NALF1: variants seen among roughly 807,000 people sequenced by gnomAD.
NALF1 encodes the protein family with sequence similarity 155 member A.
A neutral mutation model predicts 48.4 loss-of-function variants in NALF1; 3 were observed. The ratio of observed to expected loss-of-function variants is 0.06; its 90% CI spans 0.03 to 0.16. The LOEUF (loss-of-function observed/expected upper bound fraction) is 0.16. Ranked by LOEUF, NALF1 falls within the 10% of genes least tolerant of loss-of-function variation. The pLI is 1.00. For missense variants in NALF1, 526 were observed against 571.5 expected, an observed-to-expected ratio of 0.92 and a Z score of 0.81; for synonymous variants, 262 against 245.7, an observed-to-expected ratio of 1.07 and a Z score of -0.62.
At chr13:107,336,602 A>T (rs1882561855) in intron 1 of NALF1, among the ~76,000 whole-genome samples, 1 of 152,112 alleles carries the variant, frequency 6.6e-6, no homozygotes, top group African/African-American at 2.4e-5. Flanking sequence ...GGGCAAACTC[A>T]CACACTCTCA....
chr13:107,854,984 T>G (rs1004127725), intron 1 of NALF1, among the ~76,000 whole-genome samples: 3 of 152,176 alleles, frequency 2.0e-5, no homozygotes, highest in African/African-American at 7.2e-5. Flanking sequence ...ATTACTGAGA[T>G]TAGGCAGATA....
chr13:107,412,969 AATATG>A (rs1884018288), intron 1 of NALF1, among the ~76,000 whole-genome samples: 2 of 152,212 alleles, frequency 1.3e-5, no homozygotes, highest in Admixed American at 1.3e-4. Context: ...TTATCAGGAA[AATATG>A]ATATGAAGAA....
chr13:107,493,661 G>A (rs1381309537), intron 1 of NALF1, among the ~76,000 whole-genome samples: 1 of 152,116 alleles, frequency 6.6e-6, no homozygotes, highest in African/African-American at 2.4e-5. Context: ...AGGATCACTT[G>A]AGTCCAGGAG....
intron 1 of NALF1, among the ~76,000 whole-genome samples, chr13:107,801,338 A>C (rs1878605787): frequency 6.6e-6 from 1 of 152,222 alleles, no homozygotes; most frequent in South Asian, 2.1e-4. Flanking sequence ...ATATTTTAGG[A>C]CAGTGGATTA....
At chr13:107,783,349 C>T (rs1161294046) in intron 1 of NALF1, among the ~76,000 whole-genome samples, 7 of 151,472 alleles carry the variant, frequency 4.6e-5, no homozygotes, top group African/African-American at 1.7e-4. Context: ...GCCACCACCC[C>T]GTCTGGGAGG....
At chr13:107,307,692 A>G (rs1374892339) in intron 1 of NALF1, among the ~76,000 whole-genome samples, 3 of 151,480 alleles carry the variant, frequency 2.0e-5, no homozygotes, top group Non-Finnish European at 4.4e-5. Context: ...AATGGATAAC[A>G]GAAAATTGAA....
intron 2 of NALF1, among the ~76,000 whole-genome samples, chr13:107,193,620 C>A (rs1024219661): frequency 3.9e-5 from 6 of 152,160 alleles, no homozygotes; most frequent in African/African-American, 1.4e-4. Context: ...TCTAACCCCT[C>A]CCACATGCAG....
At chr13:107,699,470 G>A (rs1455894515) in intron 1 of NALF1, among the ~76,000 whole-genome samples, 1 of 152,086 alleles carries the variant, frequency 6.6e-6, no homozygotes, top group Admixed American at 6.6e-5. Context: ...ACAGGCCACT[G>A]AAAGGACTTT....
intron 1 of NALF1, among the ~76,000 whole-genome samples, chr13:107,410,920 C>T (rs905105700): frequency 2.0e-5 from 3 of 152,216 alleles, no homozygotes; most frequent in East Asian, 1.9e-4. Flanking sequence ...GCCCAGTTCA[C>T]GGGAGTTCCA....
chr13:107,726,845 C>A (rs1876165607), intron 1 of NALF1, among the ~76,000 whole-genome samples: 1 of 151,484 alleles, frequency 6.6e-6, no homozygotes. Context: ...TCTTGGTGAT[C>A]CACCCTCCTT....
rs1362822021 is a variant in NALF1, at chr13:107,390,302, G to A, written c.916-179547C>T. Among the ~76,000 whole-genome samples, 4 of 151,068 alleles carry A rather than the reference G, an allele frequency of 2.6e-5. No individual in the cohort carries two copies. In the East Asian group the frequency reaches 7.8e-4, roughly 29 times the overall value. ...GGAGGTTATAGTGGGCCAAGATCAC[G>A]CCACTGCACTCCAGCCTGGGTGACA... On this transcript the variant is annotated intron_variant, in intron 1 of 2. Transcript: ENST00000375915.
intron 1 of NALF1, among the ~76,000 whole-genome samples, chr13:107,858,751 C>T (rs1880497282): frequency 1.3e-5 from 2 of 152,182 alleles, no homozygotes; most frequent in Admixed American, 1.3e-4. Flanking sequence ...TATGTCCTCA[C>T]ATTCCCCATC....
chr13:107,390,834 T>G (rs1048571319), intron 1 of NALF1, among the ~76,000 whole-genome samples: 1 of 151,550 alleles, frequency 6.6e-6, no homozygotes, highest in Non-Finnish European at 1.5e-5. Context: ...CAATCCTTTT[T>G]GTACATCTAC....
chr13:107,601,829 T>TA lies in NALF1; in HGVS notation c.915+263852dup, dbSNP rs145479209. ...TTCTTCATATAGACATATTCTTAGC[T>TA]AAAAAAAAAATGCTGTTACTTAAAC... On this transcript the variant is annotated intron_variant, in intron 1 of 2. Transcript: ENST00000375915. Among the ~76,000 whole-genome samples the TA allele has an allele frequency of 5.6e-4, 84 of 149,190 alleles. 1 individual carries two copies. Among genetic ancestry groups the TA allele is most frequent in the African/African-American group, 1.0e-3 (42 of 40,818 alleles).
At chr13:107,400,845 C>A (rs1388260406) in intron 1 of NALF1, among the ~76,000 whole-genome samples, 4 of 152,042 alleles carry the variant, frequency 2.6e-5, no homozygotes, top group Admixed American at 1.3e-4. Flanking sequence ...ATGCAACAAA[C>A]CTTCATATAT....
chr13:107,462,903 G>A (rs1884942962), intron 1 of NALF1, among the ~76,000 whole-genome samples: 1 of 152,158 alleles, frequency 6.6e-6, no homozygotes, highest in East Asian at 1.9e-4. Context: ...TTTAACTGTT[G>A]TAAACCACAA....
chr13:107,265,249 T>C (rs150902602), intron 1 of NALF1, among the ~76,000 whole-genome samples: 25 of 152,366 alleles, frequency 1.6e-4, no homozygotes, highest in African/African-American at 5.3e-4. Flanking sequence ...CTTCTCTGCA[T>C]TGATTTGTTA....
chr13:107,260,674 T>C lies in NALF1; in HGVS notation c.916-49919A>G, dbSNP rs542311109. Among the ~76,000 whole-genome samples the C allele has an allele frequency of 3.0e-4, 46 of 152,312 alleles. 1 individual carries two copies. The South Asian group carries it at 9.3e-3, about 31-fold the overall frequency. Reference sequence around the variant, plus strand: ...ATGAAAATGTTCCTTCTCTCCTCATTGTCCTTACATTTTAAAAATCCTGAT... The same window carrying C: ...ATGAAAATGTTCCTTCTCTCCTCATCGTCCTTACATTTTAAAAATCCTGAT... On this transcript the variant is annotated intron_variant, in intron 1 of 2. Transcript: ENST00000375915.
chr13:107,713,967 A>C (rs561557753), intron 1 of NALF1, among the ~76,000 whole-genome samples: 1 of 152,344 alleles, frequency 6.6e-6, no homozygotes, highest in South Asian at 2.1e-4. Context: ...TAGATGAAGG[A>C]AAAGAAATAA....
Sources: gnomAD v4.1 joint callset for allele counts (sites outside exome capture counted in the v4.1 genomes callset) on GRCh38, gnomAD v4.1.1 for gene constraint, MANE v1.5 for transcripts, NCBI Gene and HGNC (gene_info 2026-07-23, HGNC 2026-07-21) for gene names.